Variants in IMMP2L observed in about 807,000 individuals in gnomAD.
IMMP2L encodes the protein mitochondrial inner membrane protease subunit 2.
Under a neutral mutation model 19.3 loss-of-function variants are expected in IMMP2L, and 18 were observed. The ratio of observed to expected loss-of-function variants is 0.93; its 90% confidence interval spans 0.64 to 1.38. The LOEUF is 1.38. Ranked by LOEUF, IMMP2L falls within the 40% of genes most tolerant of loss-of-function variation. IMMP2L has a pLI of 0.00. For synonymous variants in IMMP2L, 76 were observed against 73.0 expected (o/e 1.04, Z -0.21); for missense variants, 233 against 218.2 (o/e 1.07, Z -0.43).
At chr7:110,664,337 A>G (rs1413619629) in intron 5 of IMMP2L, among the ~76,000 whole-genome samples, 2 of 152,104 alleles carry the variant, frequency 1.3e-5, no homozygotes, top group Admixed American at 1.3e-4. Context: ...GAGTACACTG[A>G]GTAACACGGA....
intron 3 of IMMP2L, among the ~76,000 whole-genome samples, chr7:111,133,948 T>G (rs1802086196): frequency 6.6e-6 from 1 of 152,006 alleles, no homozygotes; most frequent in Non-Finnish European, 1.5e-5. Flanking sequence ...CCTATGAAAT[T>G]CGTAGATGGC....
intron 3 of IMMP2L, among the ~76,000 whole-genome samples, chr7:111,050,380 T>C (rs1168936617): frequency 6.6e-6 from 1 of 152,190 alleles, no homozygotes. Context: ...CTGTGAAATA[T>C]AGGTAATAAA....
At chr7:111,151,891 G>A (rs1427844913) in intron 3 of IMMP2L, among the ~76,000 whole-genome samples, 10 of 152,202 alleles carry the variant, frequency 6.6e-5, no homozygotes, top group South Asian at 2.1e-4. Context: ...AGCCAAGATC[G>A]CGCCATTGCA....
At chr7:111,298,551 A>T (rs1821866092) in intron 3 of IMMP2L, among the ~76,000 whole-genome samples, 1 of 152,064 alleles carries the variant, frequency 6.6e-6, no homozygotes, top group Non-Finnish European at 1.5e-5. Context: ...GGAGTTCAAG[A>T]CCAGGCTGGC....
intron 3 of IMMP2L, among the ~76,000 whole-genome samples, chr7:111,444,981 G>A (rs774120257): frequency 6.6e-6 from 1 of 151,982 alleles, no homozygotes; most frequent in Non-Finnish European, 1.5e-5. Context: ...TCAAGATGCA[G>A]GTTTATAGTC....
At chr7:110,873,778 G>GAAA (rs572557458) in intron 5 of IMMP2L, among the ~76,000 whole-genome samples, 2 of 118,750 alleles carry the variant, frequency 1.7e-5, no homozygotes, top group African/African-American at 3.1e-5. Context: ...TCTGTCTCAG[G>GAAA]AAAAAAAAAA....
chr7:110,876,050 T>G (rs1180340294), intron 5 of IMMP2L, among the ~76,000 whole-genome samples: 1 of 152,202 alleles, frequency 6.6e-6, no homozygotes, highest in African/African-American at 2.4e-5. Context: ...CATTTCTTTA[T>G]GAAAATATTT....
chr7:111,026,151 C>T (rs566885786), intron 3 of IMMP2L, among the ~76,000 whole-genome samples: 2 of 152,238 alleles, frequency 1.3e-5, no homozygotes, highest in South Asian at 2.1e-4. Context: ...AAGTCTATAA[C>T]AGTCACAACC....
chr7:111,338,151 T>A (rs1314443783), intron 3 of IMMP2L, among the ~76,000 whole-genome samples: 1 of 152,114 alleles, frequency 6.6e-6, no homozygotes, highest in Non-Finnish European at 1.5e-5. Flanking sequence ...AAGAGAAAGT[T>A]CTGCAGTCAA....
chr7:111,190,692 C>G (rs1297232553), intron 3 of IMMP2L, among the ~76,000 whole-genome samples: 6 of 152,032 alleles, frequency 3.9e-5, no homozygotes, highest in African/African-American at 1.5e-4. Context: ...TTCAAGCAGT[C>G]TGGCATAAAA....
intron 4 of IMMP2L, among the ~76,000 whole-genome samples, chr7:110,905,306 G>T (rs1812333157): frequency 6.6e-6 from 1 of 152,054 alleles, no homozygotes; most frequent in Non-Finnish European, 1.5e-5. Flanking sequence ...TTGCCTTAGA[G>T]ATTTATTAAG....
intron 3 of IMMP2L, among the ~76,000 whole-genome samples, chr7:111,230,127 G>T (rs758971317): frequency 3.3e-5 from 5 of 151,782 alleles, no homozygotes; most frequent in Admixed American, 6.6e-5. Flanking sequence ...GGGGTGACAG[G>T]GTCTTTATTT....
intron 3 of IMMP2L, among the ~76,000 whole-genome samples, chr7:111,389,484 T>G (rs990456438): frequency 6.6e-6 from 1 of 151,852 alleles, no homozygotes; most frequent in Non-Finnish European, 1.5e-5. Flanking sequence ...AAATAGTCAC[T>G]GAAGTACTAA....
intron 1 of IMMP2L, among the ~76,000 whole-genome samples, chr7:111,529,239 C>G (rs1327659540): frequency 6.6e-6 from 1 of 152,158 alleles, no homozygotes; most frequent in Non-Finnish European, 1.5e-5. Flanking sequence ...TACCAATAAC[C>G]TGGCTCGGCA....
chr7:111,367,718 G>A (rs1260094603), intron 3 of IMMP2L, among the ~76,000 whole-genome samples: 1 of 151,898 alleles, frequency 6.6e-6, no homozygotes, highest in Non-Finnish European at 1.5e-5. Context: ...CACAGCTAGT[G>A]TGAGTCCAAA....
chr7:110,970,103 G>C (rs1397788805), intron 3 of IMMP2L, among the ~76,000 whole-genome samples: 6 of 151,932 alleles, frequency 3.9e-5, no homozygotes, highest in Non-Finnish European at 8.8e-5. Context: ...TCTTATTAGT[G>C]AATCAGCCTG....
intron 3 of IMMP2L, among the ~76,000 whole-genome samples, chr7:111,355,623 A>C (rs539463597): frequency 6.6e-6 from 1 of 151,954 alleles, no homozygotes; most frequent in South Asian, 2.1e-4. Flanking sequence ...AAAAAATAGA[A>C]TAGAAAAACC....
At chr7:111,154,506 A>G (rs1804421158) in intron 3 of IMMP2L, among the ~76,000 whole-genome samples, 1 of 152,124 alleles carries the variant, frequency 6.6e-6, no homozygotes, top group Admixed American at 6.6e-5. Context: ...TTTTACCACT[A>G]CAATTGTTAT....
intron 3 of IMMP2L, among the ~76,000 whole-genome samples, chr7:110,968,828 A>G (rs1819838515): frequency 6.6e-6 from 1 of 152,112 alleles, no homozygotes; most frequent in Non-Finnish European, 1.5e-5. Context: ...AAACGCATAA[A>G]AGGTCTAGCA....
Sources: gnomAD v4.1 joint callset for allele counts (sites outside exome capture counted in the v4.1 genomes callset) on GRCh38, gnomAD v4.1.1 for gene constraint, MANE v1.5 for transcripts, NCBI Gene and HGNC (gene_info 2026-07-23, HGNC 2026-07-21) for gene names.